The following EIF4G3 variants were observed in gnomAD, a reference collection of about 807,000 sequenced individuals.
EIF4G3 encodes eIF-4-gamma 3.
A neutral mutation model predicts 186.4 loss-of-function variants in EIF4G3; 34 were observed. The observed-to-expected ratio is 0.18, with a 90% CI of 0.14 to 0.24. EIF4G3 has a LOEUF of 0.24. Ranked by LOEUF, EIF4G3 falls within the 10% of genes least tolerant of loss-of-function variation. The probability of loss-of-function intolerance (pLI) is 1.00; values close to 1 mark genes in which losing one functional copy is unlikely to be tolerated. For synonymous variants in EIF4G3, 673 were observed against 679.5 expected (o/e 0.99, Z 0.15); for missense variants, 1,536 against 1,948.5 (o/e 0.79, Z 3.99).
chr1:21,071,325 T>C (rs995600355), intron 3 of EIF4G3, among the ~76,000 whole-genome samples: 5 of 152,134 alleles, frequency 3.3e-5, no homozygotes, highest in Non-Finnish European at 5.9e-5. Context: ...GGCAGGAAGA[T>C]TGCTTGAGCC....
intron 14 of EIF4G3, among the ~76,000 whole-genome samples, chr1:20,920,197 C>T (rs995001279): frequency 6.6e-6 from 1 of 152,168 alleles, no homozygotes; most frequent in Non-Finnish European, 1.5e-5. Flanking sequence ...TGAGTCACTG[C>T]GTCCGGTCGA....
intron 10 of EIF4G3, among the ~76,000 whole-genome samples, chr1:20,975,228 T>G (rs2076621212): frequency 6.6e-6 from 1 of 152,170 alleles, no homozygotes. Flanking sequence ...TATGTGCTAC[T>G]TTATTATGTC....
At chr1:20,973,271 G>T (rs1310151947) in intron 10 of EIF4G3, among the ~76,000 whole-genome samples, 172 bp from the exon 11 acceptor site, 1 of 152,210 alleles carries the variant, frequency 6.6e-6, no homozygotes, top group African/African-American at 2.4e-5. Flanking sequence ...AAGTGGTCAA[G>T]AAATTATTCC....
At chr1:20,867,387 CA>C (rs1333509064) in intron 20 of EIF4G3, among the ~76,000 whole-genome samples, 2 of 152,084 alleles carry the variant, frequency 1.3e-5, no homozygotes, top group East Asian at 3.9e-4. Flanking sequence ...TGAGATATTC[CA>C]AAATGACTGT....
intron 14 of EIF4G3, among the ~76,000 whole-genome samples, chr1:20,932,508 C>T (rs1190731280): frequency 1.3e-5 from 2 of 151,982 alleles, no homozygotes; most frequent in Non-Finnish European, 2.9e-5. Context: ...TAATTTCAAG[C>T]GGGAGACGTA....
chr1:20,976,300 A>G (rs1464298401), intron 10 of EIF4G3, among the ~76,000 whole-genome samples: 2 of 151,954 alleles, frequency 1.3e-5, no homozygotes, highest in East Asian at 1.9e-4. Flanking sequence ...AACATTAGGT[A>G]TATCTCCTAA....
At chr1:20,994,524 C>G (rs1322453795) in intron 7 of EIF4G3, among the ~76,000 whole-genome samples, 1 of 151,588 alleles carries the variant, frequency 6.6e-6, no homozygotes, top group Non-Finnish European at 1.5e-5. Flanking sequence ...AATCATTGCT[C>G]TGAATTTATA....
At chr1:21,168,141 C>T (rs61779121) in intron 2 of EIF4G3, 173,408 of 440,404 alleles carry the variant, frequency 0.39, 35,353 homozygotes, top group Non-Finnish European at 0.43. Flanking sequence ...TGGTGGCTCA[C>T]GCCTGTAATC....
rs775097024 is a variant in EIF4G3 at position 20,899,792 on chromosome 1, T to C, written c.1904A>G (p.Asn635Ser). ...ACCCTCAGAAACACTCTCAGCACCATTACGTACTGGCTCAGCTTCTTCTCC... is the reference window on the plus strand; with the variant it reads ...ACCCTCAGAAACACTCTCAGCACCACTACGTACTGGCTCAGCTTCTTCTCC... Reference protein sequence around the residue: ...ENGEEAEPVRNGAESVSEGEG... With the variant: ...ENGEEAEPVRSGAESVSEGEG... The change falls in exon 16 of 37, where the codon AAT becomes AGT. Residue 635 changes from asparagine (N) to serine (S), a missense_variant. Transcript: ENST00000602326. The C allele has an allele frequency of 2.5e-6, 4 of 1,614,032 alleles. No homozygotes were observed. In the Admixed American group the frequency reaches 5.0e-5, roughly 20 times the overall value.
At chr1:21,018,622 T>C (rs1181768653) in intron 4 of EIF4G3, among the ~76,000 whole-genome samples, 2 of 152,084 alleles carry the variant, frequency 1.3e-5, no homozygotes, top group Admixed American at 6.6e-5. Flanking sequence ...AAATCTCATA[T>C]TGAAATGTGA....
chr1:20,825,199 C>CTAAAA lies in EIF4G3; in HGVS notation c.4270-6_4270-2dup. The CTAAAA allele has an allele frequency of 6.7e-7, 1 of 1,498,012 alleles. No individual in the cohort carries two copies. The highest frequency in any genetic ancestry group is 9.1e-7 in the Non-Finnish European group (1 of 1,101,904). The allele number at this position is 1,498,012 out of a possible 1,614,324, so 92.8% of individuals were successfully genotyped here. A position where few individuals can be genotyped will look rare whatever the true frequency, so the allele number is the denominator to read the frequency against. On this transcript the variant is annotated splice_acceptor_variant, in intron 32 of 36. Transcript: ENST00000602326. LOFTEE classifies it high-confidence loss of function. ...ATAAGGCTCCCACTTTCTTATGGCT[C>CTAAAA]TAAAATAGAGATAAATCCAATCCAT... is the stretch of plus-strand genomic sequence containing the variant.
intron 2 of EIF4G3, among the ~76,000 whole-genome samples, chr1:21,123,152 C>T (rs2096957484): frequency 6.6e-6 from 1 of 152,088 alleles, no homozygotes; most frequent in Non-Finnish European, 1.5e-5. Flanking sequence ...CTCCAATTTT[C>T]TTAATCTGCC....
intron 6 of EIF4G3, among the ~76,000 whole-genome samples, chr1:20,998,562 T>A (rs979467123): frequency 6.6e-6 from 1 of 152,156 alleles, no homozygotes; most frequent in African/African-American, 2.4e-5. Context: ...TAAAAAGTTT[T>A]TTCACCTATG....
In EIF4G3 at chr1:20,980,940, C is replaced by T. The variant is rs921826228; in HGVS notation, c.378+108G>A. 38 of 869,438 alleles carry T rather than the reference C, an allele frequency of 4.4e-5. No individual in the cohort carries two copies. In the African/African-American group the frequency reaches 4.6e-4, roughly 11 times the overall value. 53.9% of individuals were successfully genotyped at this position (869,438 alleles called of 1,614,324 possible). ...TTTGTAACCAACAAAACAGTTCACA[C>T]GTCACCGAAAACTAATACCACAATT... is the stretch of plus-strand genomic sequence containing the variant. On this transcript the variant is annotated intron_variant, in intron 9 of 36. Coordinates refer to ENST00000602326, the MANE Select transcript of EIF4G3 (RefSeq NM_001391906.1).
chr1:20,834,725 C>A (rs1441652566), intron 30 of EIF4G3, among the ~76,000 whole-genome samples: 1 of 151,984 alleles, frequency 6.6e-6, no homozygotes, highest in Non-Finnish European at 1.5e-5. Context: ...AATTGGAGTA[C>A]CTAAAAACAT....
At chr1:21,144,600 A>C (rs2097402486) in intron 2 of EIF4G3, among the ~76,000 whole-genome samples, 2 of 152,094 alleles carry the variant, frequency 1.3e-5, no homozygotes, top group Non-Finnish European at 2.9e-5. Context: ...CAGAACTCTT[A>C]AGAAATAAAA....
At chr1:20,815,635 G>A (rs1323938646) in intron 34 of EIF4G3, among the ~76,000 whole-genome samples, 3 of 146,378 alleles carry the variant, frequency 2.0e-5, no homozygotes, top group African/African-American at 2.5e-5. Flanking sequence ...CAGCCACCCC[G>A]TCCGGGAGGG....
chr1:21,028,049 T>C (rs80134961), intron 4 of EIF4G3, among the ~76,000 whole-genome samples: 4,446 of 152,270 alleles, frequency 0.029, 145 homozygotes, highest in East Asian at 0.14. Flanking sequence ...AACTACTGTA[T>C]GATAACAGTT....
intron 2 of EIF4G3, among the ~76,000 whole-genome samples, chr1:21,123,562 C>CA (rs796201449): frequency 0.1 from 7,724 of 74,216 alleles, 329 homozygotes; most frequent in East Asian, 0.23. Flanking sequence ...AAGACTGTCT[C>CA]AAAAAAAAAA....
Sources: gnomAD v4.1 joint callset for allele counts (sites outside exome capture counted in the v4.1 genomes callset) on GRCh38, gnomAD v4.1.1 for gene constraint, MANE v1.5 for transcripts, NCBI Gene and HGNC (gene_info 2026-07-23, HGNC 2026-07-21) for gene names.